CORIN: variants seen among roughly 807,000 people sequenced by gnomAD.
CORIN encodes the protein atrial natriuretic peptide-converting enzyme.
Under a neutral mutation model 125.3 loss-of-function variants are expected in CORIN, and 117 were observed. The observed-to-expected ratio is 0.93, with a 90% confidence interval of 0.80 to 1.09. The LOEUF (loss-of-function observed/expected upper bound fraction) is 1.09. Among genes scored for constraint, CORIN ranks in the 50% least tolerant of loss-of-function variants. CORIN has a pLI of 0.00. For synonymous variants in CORIN, 450 were observed against 466.4 expected, an observed-to-expected ratio of 0.96 and a Z score of 0.45; for missense variants, 1,253 against 1,306.7, an observed-to-expected ratio of 0.96 and a Z score of 0.63.
intron 5 of CORIN, among the ~76,000 whole-genome samples, chr4:47,730,018 T>C (rs1202309620): frequency 2.6e-5 from 4 of 152,040 alleles, no homozygotes; most frequent in Non-Finnish European, 4.4e-5. Context: ...CAATAAAACC[T>C]TGCACTCATC....
chr4:47,613,729 G>A (rs979860497), intron 19 of CORIN, among the ~76,000 whole-genome samples: 8 of 147,496 alleles, frequency 5.4e-5, no homozygotes, highest in Admixed American at 3.5e-4. Flanking sequence ...AACACCGCAT[G>A]TTCTCACTCA....
chr4:47,713,763 GAA>G (rs1726963534), intron 5 of CORIN, among the ~76,000 whole-genome samples: 1 of 151,408 alleles, frequency 6.6e-6, no homozygotes, highest in Non-Finnish European at 1.5e-5. Flanking sequence ...AGAGATCTAG[GAA>G]ACCCAAAAAA....
intron 4 of CORIN, among the ~76,000 whole-genome samples, chr4:47,744,829 ATTTG>A (rs1312336818): frequency 6.6e-6 from 1 of 152,176 alleles, no homozygotes; most frequent in African/African-American, 2.4e-5. Flanking sequence ...TTTATCAATA[ATTTG>A]TTTAATATTT....
intron 3 of CORIN, among the ~76,000 whole-genome samples, chr4:47,777,727 T>C (rs1316658756): frequency 6.6e-6 from 1 of 152,174 alleles, no homozygotes; most frequent in African/African-American, 2.4e-5. Flanking sequence ...ACACAAGAAG[T>C]GGATTGCGTC....
chr4:47,733,137 G>A (rs1483070669), intron 5 of CORIN, among the ~76,000 whole-genome samples: 1 of 150,594 alleles, frequency 6.6e-6, no homozygotes, highest in Admixed American at 6.6e-5. Context: ...AGGGCATGTG[G>A]CTTCTCTCAA....
chr4:47,610,221 A>G (rs1327744819), intron 19 of CORIN, among the ~76,000 whole-genome samples: 1 of 152,208 alleles, frequency 6.6e-6, no homozygotes, highest in African/African-American at 2.4e-5. Flanking sequence ...ACTCCCACCA[A>G]TGGTGTAAAA....
At chr4:47,785,961 A>G (rs915279884) in intron 3 of CORIN, among the ~76,000 whole-genome samples, 9 of 151,592 alleles carry the variant, frequency 5.9e-5, no homozygotes, top group Admixed American at 5.9e-4. Flanking sequence ...CCATTAAATC[A>G]CTCAGCATCC....
Position 47,613,786 on chromosome 4 carries a change from C to T in CORIN, c.2540+9785G>A, listed in dbSNP as rs1347908705. ...GATCACATGGACACAGGAAGGGGAACATCACACTCTGGGGACTGTTGTGGG... is the reference window on the plus strand; with the variant it reads ...GATCACATGGACACAGGAAGGGGAATATCACACTCTGGGGACTGTTGTGGG... On this transcript the variant is annotated intron_variant, in intron 19 of 21. Transcript: ENST00000273857. Among the ~76,000 whole-genome samples the T allele has an allele frequency of 7.1e-5, 9 of 126,680 alleles. No individual in the cohort carries two copies. The East Asian group carries it at 1.2e-3, about 16-fold the overall frequency. 83.1% of individuals were successfully genotyped at this position (126,680 alleles called of 152,430 possible). A position where few individuals can be genotyped will look rare whatever the true frequency, so the allele number is the denominator to read the frequency against.
At chr4:47,607,091 A>T (rs956927842) in intron 19 of CORIN, among the ~76,000 whole-genome samples, 1 of 152,258 alleles carries the variant, frequency 6.6e-6, no homozygotes, top group Non-Finnish European at 1.5e-5. Flanking sequence ...AATTCTAATT[A>T]TAAAAAATTA....
chr4:47,829,880 T>G (rs1732902705), intron 1 of CORIN, among the ~76,000 whole-genome samples: 1 of 152,120 alleles, frequency 6.6e-6, no homozygotes, highest in South Asian at 2.1e-4. Context: ...GAGTAAATAG[T>G]CCAACTACCT....
intron 5 of CORIN, among the ~76,000 whole-genome samples, chr4:47,708,163 G>A (rs1053444371): frequency 3.3e-5 from 5 of 152,154 alleles, no homozygotes; most frequent in Non-Finnish European, 7.4e-5. Context: ...ATAAAAATTT[G>A]CCACAAATTG....
At chr4:47,659,204 A>C (rs539997460) in intron 12 of CORIN, among the ~76,000 whole-genome samples, 2 of 152,084 alleles carry the variant, frequency 1.3e-5, no homozygotes, top group African/African-American at 4.8e-5. Context: ...CACTTAACCA[A>C]TTTTTAAGAA....
At chr4:47,729,920 G>A (rs576583088) in intron 5 of CORIN, among the ~76,000 whole-genome samples, 46 of 152,284 alleles carry the variant, frequency 3.0e-4, no homozygotes, top group East Asian at 7.7e-4. Flanking sequence ...GCCGCTGGGT[G>A]CTCCGGCTCC....
In CORIN at chr4:47,757,898, A is replaced by ATG. The variant is rs1275251399; in HGVS notation, c.617+5480_617+5481insCA. 7.6e-5 allele frequency among the ~76,000 whole-genome samples: 11 copies of ATG among 144,770 alleles called. No homozygotes were observed. The East Asian group carries it at 1.6e-3, about 21-fold the overall frequency. 95.0% of individuals were successfully genotyped at this position (144,770 alleles called of 152,430 possible). A position where few individuals can be genotyped will look rare whatever the true frequency, so the allele number is the denominator to read the frequency against. On this transcript the variant is annotated intron_variant, in intron 4 of 21. Transcript: ENST00000273857. ...TATATGTATATATATATATATATATATATATATACACAAATATACACATAT... is the reference window on the plus strand; with the variant it reads ...TATATGTATATATATATATATATATATGTATATATACACAAATATACACATAT...
At chr4:47,821,867 T>C (rs1193498985) in intron 1 of CORIN, among the ~76,000 whole-genome samples, 1 of 152,162 alleles carries the variant, frequency 6.6e-6, no homozygotes, top group South Asian at 2.1e-4. Flanking sequence ...TTTAAAAGAG[T>C]TCTATAAATG....
At chr4:47,621,855 T>C (rs1019987189) in intron 19 of CORIN, among the ~76,000 whole-genome samples, 2 of 152,120 alleles carry the variant, frequency 1.3e-5, no homozygotes, top group Non-Finnish European at 2.9e-5. Context: ...AAAATCTTTT[T>C]TTTTTTTTTA....
intron 5 of CORIN, among the ~76,000 whole-genome samples, chr4:47,725,518 G>GGA (rs1727552531): frequency 6.6e-6 from 1 of 151,966 alleles, no homozygotes; most frequent in Non-Finnish European, 1.5e-5. Flanking sequence ...CAATTTAATA[G>GGA]GAGAAATATA....
chr4:47,782,754 A>T (rs1360337148), intron 3 of CORIN, among the ~76,000 whole-genome samples: 2 of 152,200 alleles, frequency 1.3e-5, no homozygotes, highest in Non-Finnish European at 2.9e-5. Context: ...TATATCACGG[A>T]TGCATTCTGA....
At position 47,595,798 on chromosome 4, in the gene CORIN, C is replaced by T. The variant is rs1721227727; in HGVS notation, c.3052G>A (p.Gly1018Ser). The T allele has an allele frequency of 6.2e-7, 1 of 1,613,546 alleles. No homozygotes were observed. The highest frequency in any genetic ancestry group is 8.5e-7 in the Non-Finnish European group (1 of 1,179,778). Residue 1018 changes from glycine to serine, a missense_variant, in exon 22 of 22, where the codon GGC becomes AGC. Physicochemically the swap from Gly to Ser is moderately conservative, Grantham distance 56 (BLOSUM62 0). Coordinates refer to ENST00000273857, the MANE Select transcript of CORIN (RefSeq NM_006587.4). Reference sequence around the variant, plus strand: ...AAATATGACACATTACTATAAACGCCAGGCCCCAGGACTTTGGAAAAGCAG... The same window carrying T: ...AAATATGACACATTACTATAAACGCTAGGCCCCAGGACTTTGGAAAAGCAG... ...SVCFSKVLGP[G>S]VYSNVSYFVE...
Sources: allele counts gnomAD v4.1 joint callset (sites outside exome capture counted in the v4.1 genomes callset), GRCh38; gene constraint gnomAD v4.1.1; transcripts MANE v1.5; gene names NCBI Gene and HGNC (gene_info 2026-07-23, HGNC 2026-07-21).